Variants in CEP112 observed in about 807,000 individuals in gnomAD.
CEP112 encodes the protein centrosomal protein 112.
CEP112 carries 127 observed loss-of-function variants against 153.0 expected under a neutral mutation model. The observed-to-expected ratio is 0.83, with a 90% CI of 0.72 to 0.96. The LOEUF (loss-of-function observed/expected upper bound fraction) is 0.96, where lower values mean the gene tolerates loss of function less well. Among genes scored for constraint, CEP112 ranks in the 40% least tolerant of loss-of-function variants. CEP112 has a pLI of 0.00. For synonymous variants in CEP112, 358 were observed against 374.4 expected (o/e 0.96, Z 0.51); for missense variants, 1,089 against 1,101.2 (o/e 0.99, Z 0.16).
At chr17:65,664,169 G>A (rs939056136) in intron 24 of CEP112, among the ~76,000 whole-genome samples, 1 of 152,198 alleles carries the variant, frequency 6.6e-6, no homozygotes, top group Non-Finnish European at 1.5e-5. Context: ...GAAGGTCTGT[G>A]GGAGGTGAGT....
intron 20 of CEP112, among the ~76,000 whole-genome samples, chr17:65,852,947 T>C (rs562428657): frequency 2.6e-5 from 4 of 152,336 alleles, no homozygotes; most frequent in East Asian, 1.9e-4. Flanking sequence ...GGTTTAGATA[T>C]GTGGTATTTT....
At chr17:65,983,889 T>C (rs2063312784) in intron 17 of CEP112, among the ~76,000 whole-genome samples, 1 of 152,212 alleles carries the variant, frequency 6.6e-6, no homozygotes, top group South Asian at 2.1e-4. Flanking sequence ...TCACTTATTT[T>C]ATTAAATTGG....
chr17:65,735,497 T>TC (rs1418741521), intron 23 of CEP112, among the ~76,000 whole-genome samples: 4 of 152,202 alleles, frequency 2.6e-5, no homozygotes, highest in Admixed American at 2.6e-4. Flanking sequence ...AAGATGGTGT[T>TC]AAGTCTCAAT....
At chr17:65,685,209 C>T (rs1198205139) in intron 24 of CEP112, among the ~76,000 whole-genome samples, 4 of 152,126 alleles carry the variant, frequency 2.6e-5, no homozygotes, top group Non-Finnish European at 4.4e-5. Flanking sequence ...AGCAAAGATG[C>T]CACCCATCAA....
At chr17:65,712,089 T>C (rs960361537) in intron 23 of CEP112, among the ~76,000 whole-genome samples, 2 of 152,074 alleles carry the variant, frequency 1.3e-5, no homozygotes, top group African/African-American at 4.8e-5. Context: ...AGCCCTTCCC[T>C]GCTTGGTCAG....
intron 4 of CEP112, among the ~76,000 whole-genome samples, chr17:66,148,176 G>C (rs1568547200): frequency 2.0e-5 from 3 of 152,098 alleles, no homozygotes; most frequent in Non-Finnish European, 4.4e-5. Context: ...GAGAAAATGA[G>C]AATCAAGAGA....
At chr17:65,745,089 T>G in intron 22 of CEP112, among the ~76,000 whole-genome samples, 1 of 152,216 alleles carries the variant, frequency 6.6e-6, no homozygotes, top group East Asian at 1.9e-4. Flanking sequence ...ATACTAGTTG[T>G]TACTACTGAC....
At chr17:65,882,580 C>T (rs547474996) in intron 20 of CEP112, among the ~76,000 whole-genome samples, 9 of 152,308 alleles carry the variant, frequency 5.9e-5, no homozygotes, top group East Asian at 1.9e-4. Context: ...TGTGTTCCCT[C>T]GTTCACTGAT....
intron 24 of CEP112, among the ~76,000 whole-genome samples, chr17:65,647,708 C>G (rs1164923398): frequency 6.6e-6 from 1 of 151,540 alleles, no homozygotes; most frequent in African/African-American, 2.4e-5. Flanking sequence ...GTCTCAAACT[C>G]CTGGGCTCAA....
chr17:66,004,931 C>T (rs780748632), intron 17 of CEP112, among the ~76,000 whole-genome samples: 7 of 152,098 alleles, frequency 4.6e-5, no homozygotes, highest in African/African-American at 1.4e-4. Flanking sequence ...GGTCAGTCAC[C>T]GTATTGACCT....
At chr17:65,960,618 C>T (rs1356272975) in intron 18 of CEP112, among the ~76,000 whole-genome samples, 1 of 152,148 alleles carries the variant, frequency 6.6e-6, no homozygotes, top group African/African-American at 2.4e-5. Context: ...CTTCTAATAC[C>T]TAATACAACA....
At chr17:65,880,244 A>G (rs975000623) in intron 20 of CEP112, among the ~76,000 whole-genome samples, 1 of 152,202 alleles carries the variant, frequency 6.6e-6, no homozygotes, top group African/African-American at 2.4e-5. Flanking sequence ...ATGACCTATA[A>G]TAACAATAGT....
Position 65,952,392 on chromosome 17 carries a change from T to G in CEP112, c.1872+9071A>C, listed in dbSNP as rs890131166. Among the ~76,000 whole-genome samples, 4 of 152,036 alleles carry G rather than the reference T, an allele frequency of 2.6e-5. No homozygotes were observed. In the East Asian group the frequency reaches 7.8e-4, roughly 29 times the overall value. ...AACACTCAGTATATACTCTTCTGCT[T>G]GCATATTCTTTCATTCAGCAGGATT... is the stretch of plus-strand genomic sequence containing the variant. On this transcript the variant is annotated intron_variant, in intron 18 of 26. Transcript: ENST00000535342.
chr17:66,143,754 G>T (rs1195903037), intron 4 of CEP112, among the ~76,000 whole-genome samples: 1 of 152,162 alleles, frequency 6.6e-6, no homozygotes, highest in Non-Finnish European at 1.5e-5. Context: ...ATTATTTCTT[G>T]TGGTAACAGA....
At chr17:65,769,587 A>C (rs1021458832) in intron 21 of CEP112, among the ~76,000 whole-genome samples, 1 of 152,156 alleles carries the variant, frequency 6.6e-6, no homozygotes, top group Non-Finnish European at 1.5e-5. Flanking sequence ...ATAGAACAGT[A>C]TAGAGAGCCC....
intron 4 of CEP112, 32 bp from the exon 5 acceptor site, chr17:66,132,795 T>G: frequency 7.1e-7 from 1 of 1,405,112 alleles, no homozygotes; most frequent in Non-Finnish European, 1.0e-6. Flanking sequence ...AATCACAATT[T>G]GGAGAATTCA....
chr17:66,111,865 A>G (rs2069065154), intron 6 of CEP112, among the ~76,000 whole-genome samples: 1 of 152,200 alleles, frequency 6.6e-6, no homozygotes, highest in Non-Finnish European at 1.5e-5. Flanking sequence ...TAAGAGAGAA[A>G]TTAATAAACT....
intron 24 of CEP112, among the ~76,000 whole-genome samples, chr17:65,668,205 A>G (rs985392499): frequency 2.0e-5 from 3 of 152,076 alleles, no homozygotes; most frequent in African/African-American, 4.8e-5. Flanking sequence ...CTCCTTGGGC[A>G]CTATTCTTAG....
At chr17:65,953,190 T>C (rs1015087891) in intron 18 of CEP112, among the ~76,000 whole-genome samples, 2 of 152,208 alleles carry the variant, frequency 1.3e-5, no homozygotes, top group African/African-American at 4.8e-5. Flanking sequence ...GAAATATGTG[T>C]TCTCAGACAT....
Sources: gnomAD v4.1 joint callset for allele counts (sites outside exome capture counted in the v4.1 genomes callset) on GRCh38, gnomAD v4.1.1 for gene constraint, MANE v1.5 for transcripts, NCBI Gene and HGNC (gene_info 2026-07-23, HGNC 2026-07-21) for gene names.